LRRC69: variants seen among roughly 807,000 people sequenced by gnomAD.
LRRC69 encodes the protein leucine-rich repeat-containing protein 69.
LRRC69 carries 42 observed loss-of-function variants against 37.8 expected under a neutral mutation model. That is an observed-to-expected ratio of 1.11 (90% CI 0.87 to 1.44). The LOEUF (loss-of-function observed/expected upper bound fraction) is 1.44, where lower values mean the gene tolerates loss of function less well. Among genes scored for constraint, LRRC69 ranks in the 40% most tolerant of loss-of-function variants. The pLI, the probability that LRRC69 is intolerant of heterozygous loss-of-function variation, is 0.00. For synonymous variants in LRRC69, 141 were observed against 143.1 expected, an observed-to-expected ratio of 0.99 and a Z score of 0.11; for missense variants, 357 against 401.9, an observed-to-expected ratio of 0.89 and a Z score of 0.96.
chr8:91,199,182 C>T (rs1437431210), intron 6 of LRRC69, among the ~76,000 whole-genome samples: 1 of 152,136 alleles, frequency 6.6e-6, no homozygotes, highest in Admixed American at 6.5e-5. Flanking sequence ...AAAAGCCCAC[C>T]TATAAAATCA....
chr8:91,173,793 T>G (rs1015359532), intron 5 of LRRC69, among the ~76,000 whole-genome samples: 3 of 152,102 alleles, frequency 2.0e-5, no homozygotes, highest in Admixed American at 2.0e-4. Context: ...TAGACAAGAT[T>G]CCTTGGGAAT....
intron 3 of LRRC69, among the ~76,000 whole-genome samples, chr8:91,129,524 A>G (rs967656910): frequency 3.3e-5 from 5 of 151,984 alleles, no homozygotes; most frequent in Non-Finnish European, 7.4e-5. Flanking sequence ...ACCAACTCCC[A>G]TGATATAGTA....
At chr8:91,151,155 C>G (rs1808730041) in intron 5 of LRRC69, among the ~76,000 whole-genome samples, 2 of 151,894 alleles carry the variant, frequency 1.3e-5, no homozygotes, top group Non-Finnish European at 2.9e-5. Flanking sequence ...TCTTGCTTCT[C>G]TAGTTCTTTT....
At chr8:91,142,971 T>C (rs1014721506) in intron 5 of LRRC69, among the ~76,000 whole-genome samples, 9 of 152,046 alleles carry the variant, frequency 5.9e-5, no homozygotes, top group African/African-American at 1.7e-4. Context: ...CTGAAAAATA[T>C]TTCACATAGA....
At chr8:91,180,018 G>A (rs1809297651) in intron 5 of LRRC69, among the ~76,000 whole-genome samples, 1 of 152,122 alleles carries the variant, frequency 6.6e-6, no homozygotes. Flanking sequence ...GTTCTTAGTA[G>A]GTGTTGGGAT....
intron 5 of LRRC69, among the ~76,000 whole-genome samples, chr8:91,158,992 C>A (rs13268588): frequency 0.053 from 7,939 of 151,124 alleles, 297 homozygotes; most frequent in Middle Eastern, 0.16. Flanking sequence ...AAATTGATTC[C>A]TACAGTCTAA....
chr8:91,103,991 T>G lies in LRRC69; in HGVS notation c.183+1147T>G, dbSNP rs113816753. 4.8e-3 allele frequency among the ~76,000 whole-genome samples: 730 copies of G among 152,014 alleles called. 1 individual carries two copies. Among genetic ancestry groups the G allele is most frequent in the African/African-American group, 0.016 (681 of 41,550 alleles). Reference sequence around the variant, plus strand: ...GCAAGAAGCTATCTTCTATCCCACTTCCCCTCATCCTCAATCCCGATCTCC... The same window carrying G: ...GCAAGAAGCTATCTTCTATCCCACTGCCCCTCATCCTCAATCCCGATCTCC... On this transcript the variant is annotated intron_variant, in intron 1 of 7. Transcript: ENST00000448384.
intron 1 of LRRC69, among the ~76,000 whole-genome samples, chr8:91,122,826 C>A (rs1384139431): frequency 1.3e-5 from 2 of 151,958 alleles, no homozygotes; most frequent in African/African-American, 4.8e-5. Flanking sequence ...TAATGGACCC[C>A]CAAAGATGCC....
chr8:91,124,599 G>C, exon 2 of LRRC69: 1 of 1,539,672 alleles, frequency 6.5e-7, no homozygotes, highest in Non-Finnish European at 8.7e-7. Context: ...AGGATCTGTA[G>C]ATTTGCACCT....
At chr8:91,167,395 A>C (rs910264871) in intron 5 of LRRC69, among the ~76,000 whole-genome samples, 7 of 151,496 alleles carry the variant, frequency 4.6e-5, no homozygotes, top group African/African-American at 1.2e-4. Context: ...CCCGGGAAAG[A>C]CCCGCCCCTA....
chr8:91,145,747 C>G (rs1808609050), intron 5 of LRRC69, among the ~76,000 whole-genome samples: 1 of 151,820 alleles, frequency 6.6e-6, no homozygotes, highest in Non-Finnish European at 1.5e-5. Context: ...TGACTAAATG[C>G]TTTCCCTGTC....
At chr8:91,119,820 C>T (rs1360344839) in intron 1 of LRRC69, among the ~76,000 whole-genome samples, 1 of 151,980 alleles carries the variant, frequency 6.6e-6, no homozygotes, top group African/African-American at 2.4e-5. Context: ...TTATCTGATC[C>T]TCACTCACCC....
Position 91,218,441 on chromosome 8 carries a change from A to G in LRRC69, c.934-449A>G, listed in dbSNP as rs113212622. Among the ~76,000 whole-genome samples the G allele has an allele frequency of 4.2e-3, 635 of 152,268 alleles. 2 individuals carry two copies. Among genetic ancestry groups the G allele is most frequent in the African/African-American group, 0.014 (597 of 41,548 alleles). Reference sequence around the variant, plus strand: ...GTGAAGATCTTAATGAATAGTACAGACAGTGAACAAAGAATTTTAGGAAGA... The same window carrying G: ...GTGAAGATCTTAATGAATAGTACAGGCAGTGAACAAAGAATTTTAGGAAGA... On this transcript the variant is annotated intron_variant, in intron 7 of 7. Transcript: ENST00000448384.
chr8:91,183,068 T>C (rs1431289024), intron 5 of LRRC69, among the ~76,000 whole-genome samples: 1 of 152,022 alleles, frequency 6.6e-6, no homozygotes, highest in Non-Finnish European at 1.5e-5. Context: ...AGAGGGAACA[T>C]GAATGTTCAG....
rs147058880 is a variant in LRRC69 at position 91,121,546 on chromosome 8, T to C, written c.184-2947T>C. Among the ~76,000 whole-genome samples the C allele has an allele frequency of 1.1e-3, 172 of 152,180 alleles. 1 individual carries two copies. The highest frequency in any genetic ancestry group is 4.1e-3 in the African/African-American group (170 of 41,578). On this transcript the variant is annotated intron_variant, in intron 1 of 7. Coordinates refer to ENST00000448384, the Ensembl canonical transcript of LRRC69. ...TATTTTGACAATTTCTTCTTCCTTA[T>C]TGTCACTCAGATCTCAGTCTATATA...
chr8:91,122,978 T>C (rs1813656404), intron 1 of LRRC69, among the ~76,000 whole-genome samples: 1 of 152,032 alleles, frequency 6.6e-6, no homozygotes, highest in African/African-American at 2.4e-5. Flanking sequence ...CCCAGTGTAA[T>C]TATGAGGTTT....
intron 1 of LRRC69, among the ~76,000 whole-genome samples, chr8:91,116,586 G>A (rs1019867804): frequency 5.9e-5 from 9 of 151,856 alleles, no homozygotes; most frequent in Non-Finnish European, 1.3e-4. Flanking sequence ...ATCATTCTGA[G>A]CAATAGTAAA....
At chr8:91,142,165 A>C in intron 5 of LRRC69, among the ~76,000 whole-genome samples, 1 of 152,032 alleles carries the variant, frequency 6.6e-6, no homozygotes, top group East Asian at 1.9e-4. Flanking sequence ...GAAGAAAAAG[A>C]TGACCTGACA....
rs142593827 is a variant in LRRC69, at chr8:91,124,552, T to A, written c.243T>A (p.Tyr81Ter). 2 of 1,540,988 alleles carry A rather than the reference T, an allele frequency of 1.3e-6. No homozygotes were observed. The highest frequency in any genetic ancestry group is 4.1e-5 in the Admixed American group (2 of 48,746). ...AAGAAGTTCCGGAAGAGATGAAATA[T>A]CTTACATCTCTGAAGAATCTCCATT... The change falls in exon 2 of 8, where the codon TAT becomes TAA. Residue 81 changes from tyrosine (Y) to a stop codon, truncating the protein, a stop_gained. Coordinates refer to ENST00000448384, the Ensembl canonical transcript of LRRC69. LOFTEE classifies it high-confidence loss of function.
Sources: gnomAD v4.1 joint callset for allele counts (sites outside exome capture counted in the v4.1 genomes callset) on GRCh38, gnomAD v4.1.1 for gene constraint, MANE v1.5 for transcripts, NCBI Gene and HGNC (gene_info 2026-07-23, HGNC 2026-07-21) for gene names.